Variants in CNTN1 observed in about 807,000 individuals in gnomAD.
The protein encoded by CNTN1 is contactin-1.
In CNTN1, 38 loss-of-function variants were observed where a neutral mutation model predicts 126.4. That is an observed-to-expected ratio of 0.30 (90% CI 0.23 to 0.39). CNTN1 has a LOEUF of 0.39. Ranked by LOEUF, CNTN1 falls within the 10% of genes least tolerant of loss-of-function variation. The probability of loss-of-function intolerance (pLI) is 1.00; values close to 1 mark genes in which losing one functional copy is unlikely to be tolerated. For missense variants in CNTN1, 1,009 were observed against 1,248.4 expected, an observed-to-expected ratio of 0.81 and a Z score of 2.89; for synonymous variants, 413 against 422.6, an observed-to-expected ratio of 0.98 and a Z score of 0.28.
chr12:40,875,310 A>T (rs1943631938), intron 1 of CNTN1, among the ~76,000 whole-genome samples: 1 of 152,098 alleles, frequency 6.6e-6, no homozygotes, highest in African/African-American at 2.4e-5. Flanking sequence ...AAAACATCAC[A>T]TCCAGGATTG....
At chr12:40,705,509 G>T (rs1301021186) in intron 1 of CNTN1, among the ~76,000 whole-genome samples, 3 of 151,664 alleles carry the variant, frequency 2.0e-5, no homozygotes, top group Non-Finnish European at 4.4e-5. Flanking sequence ...ATAGGTTTTA[G>T]AATTCTGGGC....
intron 1 of CNTN1, among the ~76,000 whole-genome samples, chr12:40,733,671 A>G (rs1017032916): frequency 1.3e-5 from 2 of 152,046 alleles, no homozygotes; most frequent in South Asian, 2.1e-4. Context: ...GATAAAAAAA[A>G]GTATATAATA....
chr12:40,851,246 G>A (rs764034369), intron 1 of CNTN1, among the ~76,000 whole-genome samples: 30 of 152,196 alleles, frequency 2.0e-4, no homozygotes, highest in Non-Finnish European at 8.8e-5. Context: ...AGAAATAGGT[G>A]TGACTCTCGT....
intron 14 of CNTN1, among the ~76,000 whole-genome samples, chr12:40,950,412 C>G (rs943399409): frequency 2.0e-5 from 3 of 151,956 alleles, no homozygotes; most frequent in African/African-American, 7.3e-5. Context: ...AATGCATATC[C>G]AAAATAGTTT....
chr12:40,767,332 G>A (rs541432498), intron 1 of CNTN1, among the ~76,000 whole-genome samples: 4 of 86,160 alleles, frequency 4.6e-5, no homozygotes, highest in Non-Finnish European at 8.6e-5. Flanking sequence ...TTTTTGAGAC[G>A]GAGTCTCGCT....
intron 14 of CNTN1, among the ~76,000 whole-genome samples, chr12:40,950,019 G>A (rs745619894): frequency 6.6e-6 from 1 of 152,172 alleles, no homozygotes; most frequent in Non-Finnish European, 1.5e-5. Context: ...CAGGGAGATC[G>A]TGGAAGCCCT....
intron 23 of CNTN1, among the ~76,000 whole-genome samples, chr12:41,050,768 C>A (rs1020579469): frequency 6.6e-6 from 1 of 152,116 alleles, no homozygotes; most frequent in Non-Finnish European, 1.5e-5. Flanking sequence ...CCAATTATAA[C>A]CGGAAGTATG....
chr12:41,053,070 C>A (rs1036938936), intron 23 of CNTN1, among the ~76,000 whole-genome samples: 1 of 151,140 alleles, frequency 6.6e-6, no homozygotes, highest in Non-Finnish European at 1.5e-5. Flanking sequence ...ATATTATAAT[C>A]CAAGCAGAAG....
At chr12:40,796,688 G>A (rs1592097020) in intron 1 of CNTN1, among the ~76,000 whole-genome samples, 1 of 152,100 alleles carries the variant, frequency 6.6e-6, no homozygotes, top group Non-Finnish European at 1.5e-5. Flanking sequence ...TGGGAATCTG[G>A]GACAGAAATA....
At chr12:40,813,483 T>A (rs1941159645) in intron 1 of CNTN1, among the ~76,000 whole-genome samples, 1 of 151,816 alleles carries the variant, frequency 6.6e-6, no homozygotes, top group African/African-American at 2.4e-5. Flanking sequence ...GTGAGATCGA[T>A]GCCTTCCAAC....
At chr12:40,870,908 T>C (rs924272721) in intron 1 of CNTN1, among the ~76,000 whole-genome samples, 20 of 152,140 alleles carry the variant, frequency 1.3e-4, no homozygotes, top group African/African-American at 4.8e-4. Flanking sequence ...TTGTGTTATA[T>C]AGAGTTAGCA....
intron 1 of CNTN1, among the ~76,000 whole-genome samples, chr12:40,788,626 T>C (rs1162376243): frequency 6.6e-6 from 1 of 152,082 alleles, no homozygotes; most frequent in Non-Finnish European, 1.5e-5. Context: ...CTTGGAAAAT[T>C]TGCTAACACC....
At chr12:40,794,756 G>C (rs1384063961) in intron 1 of CNTN1, among the ~76,000 whole-genome samples, 3 of 152,022 alleles carry the variant, frequency 2.0e-5, no homozygotes, top group African/African-American at 7.2e-5. Context: ...CATTGGGAAG[G>C]AGTGATTGGG....
At chr12:40,750,842 C>T (rs1349593951) in intron 1 of CNTN1, among the ~76,000 whole-genome samples, 1 of 151,984 alleles carries the variant, frequency 6.6e-6, no homozygotes, top group Non-Finnish European at 1.5e-5. Flanking sequence ...AATCCTTTTG[C>T]TCAGTCAGGA....
chr12:41,054,496 A>T (rs560411351), intron 23 of CNTN1, among the ~76,000 whole-genome samples: 2 of 152,026 alleles, frequency 1.3e-5, no homozygotes, highest in African/African-American at 4.8e-5. Flanking sequence ...GAGAAATGGT[A>T]ATTCTCTCCT....
chr12:40,863,797 C>T lies in CNTN1; in HGVS notation c.-76-44560C>T, dbSNP rs79889785. ...CAGTTTCATCCTGAAATCATTCCTT[C>T]TCATCTGTGGAAAAATTGTCTTCCA... On this transcript the variant is annotated intron_variant, in intron 1 of 23. Coordinates refer to ENST00000551295, the MANE Select transcript of CNTN1 (RefSeq NM_001843.4). Among the ~76,000 whole-genome samples the T allele has an allele frequency of 8.7e-3, 1,325 of 152,166 alleles. 17 individuals are homozygous for T. The highest frequency in any genetic ancestry group is 0.03 in the African/African-American group (1,255 of 41,532).
chr12:40,732,967 G>A (rs1942536832), intron 1 of CNTN1, among the ~76,000 whole-genome samples: 1 of 151,882 alleles, frequency 6.6e-6, no homozygotes, highest in South Asian at 2.1e-4. Context: ...CAACTGCCTT[G>A]TTATTTTTAC....
At chr12:40,842,003 A>AAAG (rs1942303810) in intron 1 of CNTN1, among the ~76,000 whole-genome samples, 3 of 130,462 alleles carry the variant, frequency 2.3e-5, no homozygotes, top group South Asian at 2.4e-4. Flanking sequence ...TTTTTTTTAA[A>AAAG]AAAAGAAATA....
chr12:40,707,031 C>T (rs541371693), intron 1 of CNTN1, among the ~76,000 whole-genome samples: 57 of 115,074 alleles, frequency 5.0e-4, no homozygotes, highest in South Asian at 2.6e-4. Context: ...TAAAGACGTG[C>T]GCGCGCGCGC....
Sources: gnomAD v4.1 joint callset for allele counts (sites outside exome capture counted in the v4.1 genomes callset) on GRCh38, gnomAD v4.1.1 for gene constraint, MANE v1.5 for transcripts, NCBI Gene and HGNC (gene_info 2026-07-23, HGNC 2026-07-21) for gene names.